Variants in RLF observed in about 807,000 individuals in gnomAD.
RLF encodes RLF zinc finger, also known as zinc finger protein Rlf.
RLF carries 7 observed loss-of-function variants against 162.9 expected under a neutral mutation model. That is an observed-to-expected ratio of 0.04 (90% CI 0.02 to 0.08). RLF has a LOEUF of 0.08. RLF is among the 10% of genes least tolerant of loss of function. The pLI, the probability that RLF is intolerant of heterozygous loss-of-function variation, is 1.00. For missense variants in RLF, 1,664 were observed against 2,244.7 expected, an observed-to-expected ratio of 0.74 and a Z score of 5.23; for synonymous variants, 782 against 791.5, an observed-to-expected ratio of 0.99 and a Z score of 0.20.
intron 5 of RLF, among the ~76,000 whole-genome samples, chr1:40,207,474 T>C (rs1202038601): frequency 2.0e-5 from 3 of 152,122 alleles, no homozygotes; most frequent in African/African-American, 7.2e-5. Context: ...CCAAGTACAG[T>C]GTTGTGATTC....
intron 5 of RLF, among the ~76,000 whole-genome samples, chr1:40,213,138 C>T (rs1642883911): frequency 6.6e-6 from 1 of 152,192 alleles, no homozygotes; most frequent in South Asian, 2.1e-4. Flanking sequence ...GACAGAAAGT[C>T]TGTGTAAAGA....
At chr1:40,223,046 C>A (rs1643018861) in intron 6 of RLF, among the ~76,000 whole-genome samples, 1 of 152,122 alleles carries the variant, frequency 6.6e-6, no homozygotes, top group African/African-American at 2.4e-5. Flanking sequence ...AGTCACTCCC[C>A]ATTCTTATTT....
At position 40,237,654 on chromosome 1, in the gene RLF, G is replaced by A. The variant is rs750388412; in HGVS notation, c.2952G>A (p.Lys984=). ...HLRKVHPYHF[K]PKKIKTKDLF... ...GGAAGGTTCATCCATACCATTTCAA[G>A]CCCAAAAAGATAAAGACGAAAGATC... is the stretch of plus-strand genomic sequence containing the variant. Residue 984 remains lysine (K), a synonymous_variant, in exon 8 of 8, where the codon AAG becomes AAA. Coordinates refer to ENST00000372771, the MANE Select transcript of RLF (RefSeq NM_012421.4). This position sits in a 1 kb window ranked among gnomAD's most constrained non-coding sequence, Gnocchi z 4.4. 1 of 1,614,120 alleles carries A rather than the reference G, an allele frequency of 6.2e-7. No homozygotes were observed. Among genetic ancestry groups the A allele is most frequent in the Non-Finnish European group, 8.5e-7 (1 of 1,179,990 alleles).
chr1:40,181,683 ATTTC>A (rs1254776683), intron 1 of RLF, among the ~76,000 whole-genome samples: 1 of 152,208 alleles, frequency 6.6e-6, no homozygotes, highest in Admixed American at 6.5e-5. Context: ...TAAACAAAGT[ATTTC>A]TTCTATTAAG....
At chr1:40,203,357 C>T (rs1642745111) in intron 5 of RLF, among the ~76,000 whole-genome samples, 1 of 151,822 alleles carries the variant, frequency 6.6e-6, no homozygotes, top group African/African-American at 2.4e-5. Flanking sequence ...TTCAACTGAT[C>T]CACCTGCTTC....
intron 4 of RLF, among the ~76,000 whole-genome samples, chr1:40,198,828 G>C (rs1323821571): frequency 6.6e-6 from 1 of 152,178 alleles, no homozygotes; most frequent in East Asian, 1.9e-4. Context: ...ATACAGAAAG[G>C]ATTGTGATTG....
rs955815218 is a variant in RLF, at chr1:40,239,186, A to G, written c.4484A>G (p.Gln1495Arg). 6.2e-6 allele frequency: 10 copies of G among 1,614,046 alleles called. No individual in the cohort carries two copies. In the South Asian group the frequency reaches 6.6e-5, roughly 11 times the overall value. Reference protein sequence around the residue: ...ERLLRSEKVCQTADTQGHEHQ... With the variant: ...ERLLRSEKVCRTADTQGHEHQ... ...CTACTAAGGAGTGAAAAGGTATGTC[A>G]AACAGCTGATACTCAGGGGCATGAA... Residue 1495 changes from glutamine (Q) to arginine (R), a missense_variant, in exon 8 of 8, where the codon CAA (glutamine) becomes CGA (arginine). This residue lies in a region of RLF where 200 missense variants were observed against 207.3 expected (regional missense o/e 0.96). Transcript: ENST00000372771.
In RLF at chr1:40,161,664, C is replaced by G. The variant is rs373533849; in HGVS notation, c.237+28C>G. On this transcript the variant is annotated intron_variant, in intron 1 of 7. Coordinates refer to ENST00000372771, the MANE Select transcript of RLF (RefSeq NM_012421.4). The surrounding 1 kb of genome is among the most constrained non-coding windows in gnomAD (Gnocchi z 4.4). ...GAGGGGCTGACTGGCTGGCTGAGGG[C>G]GGCGGGGCGGGGAAGTCAGGGAAGG... The G allele has an allele frequency of 6.2e-7, 1 of 1,602,864 alleles. No individual in the cohort carries two copies. The highest frequency in any genetic ancestry group is 8.5e-7 in the Non-Finnish European group (1 of 1,176,452).
chr1:40,238,885 C>G lies in RLF; in HGVS notation c.4183C>G (p.Pro1395Ala). 6.2e-7 allele frequency: 1 copy of G among 1,614,164 alleles called. No homozygotes were observed. Among genetic ancestry groups the G allele is most frequent in the Non-Finnish European group, 8.5e-7 (1 of 1,180,008 alleles). ...TCATAACCTAGACCATATTGAAGAG[C>G]CTAAAGTACTTTCCGAAGCTGGATC... is the stretch of plus-strand genomic sequence containing the variant. ...DSHNLDHIEEPKVLSEAGSAA... is the reference protein window; with the variant it reads ...DSHNLDHIEEAKVLSEAGSAA... The change falls in exon 8 of 8, where the codon CCT (proline) becomes GCT (alanine). Residue 1395 changes from proline (P) to alanine (A), a missense_variant. Pro to Ala is a conservative substitution (Grantham distance 27). Transcript: ENST00000372771. The surrounding 1 kb of genome is among the most constrained non-coding windows in gnomAD (Gnocchi z 5.2).
In RLF at chr1:40,224,815, C is replaced by T. The variant is rs568240520; in HGVS notation, c.947+2105C>T. Among the ~76,000 whole-genome samples, 8 of 150,464 alleles carry T rather than the reference C, an allele frequency of 5.3e-5. No individual in the cohort carries two copies. The South Asian group carries it at 1.7e-3, about 32-fold the overall frequency. On this transcript the variant is annotated intron_variant, in intron 6 of 7. Transcript: ENST00000372771. ...CAGCCTGACCAACATGGTGAAACCC[C>T]GTCTCTACTAAAAATACAAAAATTA...
rs149365557 is a variant in RLF at position 40,239,990 on chromosome 1, C to G, written c.5288C>G (p.Thr1763Ser). Residue 1763 changes from threonine to serine, a missense_variant, in exon 8 of 8, where the codon ACT (threonine) becomes AGT (serine). Physicochemically the swap from Thr to Ser is moderately conservative, Grantham distance 58. Coordinates refer to ENST00000372771, the MANE Select transcript of RLF (RefSeq NM_012421.4). ...CAGCCCCGGTCATTTGATTTGAAGA[C>G]TTACAAACCTATGGGATTTGAATCT... Reference protein sequence around the residue: ...HSQPRSFDLKTYKPMGFESSF... With the variant: ...HSQPRSFDLKSYKPMGFESSF... 9.3e-6 allele frequency: 15 copies of G among 1,613,784 alleles called. No homozygotes were observed. Among genetic ancestry groups the G allele is most frequent in the Middle Eastern group, 1.6e-4 (1 of 6,062 alleles).
intron 5 of RLF, among the ~76,000 whole-genome samples, chr1:40,218,443 C>G (rs1642953691): frequency 6.6e-6 from 1 of 152,192 alleles, no homozygotes; most frequent in Non-Finnish European, 1.5e-5. Flanking sequence ...TGATTTAGCT[C>G]TATCCTAAGT....
chr1:40,234,353 C>T (rs2284445), intron 7 of RLF, among the ~76,000 whole-genome samples: 49,013 of 151,856 alleles, frequency 0.32, 9,206 homozygotes, highest in African/African-American at 0.52. Context: ...GAGGATAATA[C>T]GTGCAAAAAA....
At chr1:40,163,548 G>A (rs1385873162) in intron 1 of RLF, among the ~76,000 whole-genome samples, 2 of 152,050 alleles carry the variant, frequency 1.3e-5, no homozygotes, top group African/African-American at 4.8e-5. Context: ...AGATGTGATG[G>A]CCCAGAAGAA....
At chr1:40,231,726 C>G (rs986558562) in intron 7 of RLF, 68 bp downstream of exon 7, 198 of 1,391,944 alleles carry the variant, frequency 1.4e-4, no homozygotes, top group Non-Finnish European at 1.8e-4. Flanking sequence ...GATAACTTCT[C>G]AGGAAATTCC....
Position 40,222,724 on chromosome 1 carries a change from G to A in RLF, c.947+14G>A. The A allele has an allele frequency of 6.2e-7, 1 of 1,608,172 alleles. No individual in the cohort carries two copies. Among genetic ancestry groups the A allele is most frequent in the Non-Finnish European group, 8.5e-7 (1 of 1,175,802 alleles). On this transcript the variant is annotated intron_variant, in intron 6 of 7. Coordinates refer to ENST00000372771, the MANE Select transcript of RLF (RefSeq NM_012421.4). Reference sequence around the variant, plus strand: ...ATATTGTTCTTGGTAAGTATATTTAGTTTTACACTCTTTATTTGTTAGTAC... The same window carrying A: ...ATATTGTTCTTGGTAAGTATATTTAATTTTACACTCTTTATTTGTTAGTAC...
At chr1:40,173,807 G>A (rs1008937418) in intron 1 of RLF, among the ~76,000 whole-genome samples, 2 of 152,130 alleles carry the variant, frequency 1.3e-5, no homozygotes. Context: ...GAGCCACCGT[G>A]CCAGGCTGAT....
chr1:40,175,450 A>G (rs1301981261), intron 1 of RLF, among the ~76,000 whole-genome samples: 1 of 152,054 alleles, frequency 6.6e-6, no homozygotes, highest in Non-Finnish European at 1.5e-5. Flanking sequence ...GGAGTTCGAG[A>G]CCAGCCTGGC....
chr1:40,229,048 C>G (rs1401016565), intron 6 of RLF, among the ~76,000 whole-genome samples: 2 of 152,132 alleles, frequency 1.3e-5, no homozygotes, highest in African/African-American at 2.4e-5. Context: ...AAGTAATCCT[C>G]TGCTGAGGTT....
Sources: gnomAD v4.1 joint callset for allele counts (sites outside exome capture counted in the v4.1 genomes callset) on GRCh38, gnomAD v4.1.1 for gene constraint, gnomAD v4.1.1 regional missense constraint, Gnocchi (gnomAD v3.1) non-coding constraint, MANE v1.5 for transcripts, NCBI Gene and HGNC (gene_info 2026-07-23, HGNC 2026-07-21) for gene names.